TMEM178B: variants seen among roughly 807,000 people sequenced by gnomAD.
TMEM178B encodes transmembrane protein 178B.
A neutral mutation model predicts 31.0 loss-of-function variants in TMEM178B; 5 were observed. That is an observed-to-expected ratio of 0.16 (90% CI 0.08 to 0.34). The LOEUF (loss-of-function observed/expected upper bound fraction) is 0.34, where lower values mean the gene tolerates loss of function less well. Ranked by LOEUF, TMEM178B falls within the 10% of genes least tolerant of loss-of-function variation. The pLI is 1.00. For synonymous variants in TMEM178B, 164 were observed against 164.0 expected (o/e 1.00, Z 0.00); for missense variants, 275 against 400.3 (o/e 0.69, Z 2.67).
intron 3 of TMEM178B, among the ~76,000 whole-genome samples, chr7:141,441,404 A>T (rs1257735188): frequency 6.6e-6 from 1 of 152,180 alleles, no homozygotes; most frequent in Admixed American, 6.5e-5. Flanking sequence ...CAGAGCAATC[A>T]GCCACTCGAA....
chr7:141,507,086 C>T, the TMEM178B span, among the ~76,000 whole-genome samples: 1 of 152,206 alleles, frequency 6.6e-6, no homozygotes, highest in African/African-American at 2.4e-5. Flanking sequence ...TACAGCCTCC[C>T]TCCCAGCTGC....
At chr7:141,305,842 G>A (rs1798807361) in intron 2 of TMEM178B, among the ~76,000 whole-genome samples, 1 of 152,044 alleles carries the variant, frequency 6.6e-6, no homozygotes, top group African/African-American at 2.4e-5. Flanking sequence ...GTTATCATGG[G>A]TGGTCTGTCC....
intron 3 of TMEM178B, among the ~76,000 whole-genome samples, chr7:141,463,223 G>T (rs1802088957): frequency 6.6e-6 from 1 of 152,162 alleles, no homozygotes; most frequent in African/African-American, 2.4e-5. Context: ...CGACTGGCTG[G>T]CTCCAGCTAG....
At chr7:141,372,870 C>T (rs577026670) in intron 2 of TMEM178B, among the ~76,000 whole-genome samples, 198 of 152,164 alleles carry the variant, frequency 1.3e-3, no homozygotes, top group Non-Finnish European at 2.1e-3. Context: ...ACATCTGAGC[C>T]GTCCAGGCTT....
intron 3 of TMEM178B, among the ~76,000 whole-genome samples, chr7:141,442,735 G>A (rs1801684824): frequency 6.6e-6 from 1 of 152,134 alleles, no homozygotes; most frequent in Non-Finnish European, 1.5e-5. Flanking sequence ...CCAGTTTCAT[G>A]CAGCCACCTA....
chr7:141,143,072 A>T (rs948369808), intron 1 of TMEM178B, among the ~76,000 whole-genome samples: 2 of 151,972 alleles, frequency 1.3e-5, no homozygotes, highest in African/African-American at 4.8e-5. Flanking sequence ...AAATGGGATT[A>T]TTTGTTTTTT....
chr7:141,356,705 C>G (rs529860763), intron 2 of TMEM178B, among the ~76,000 whole-genome samples: 4 of 151,540 alleles, frequency 2.6e-5, no homozygotes, highest in Admixed American at 2.0e-4. Flanking sequence ...AGTGGCCTCA[C>G]TCAGCAACTT....
chr7:141,221,988 A>C (rs1797264409), intron 2 of TMEM178B, among the ~76,000 whole-genome samples: 1 of 152,200 alleles, frequency 6.6e-6, no homozygotes, highest in African/African-American at 2.4e-5. Flanking sequence ...CCTTTAACAC[A>C]TGAAGGTTTG....
chr7:141,174,376 G>T (rs1460413538), intron 1 of TMEM178B, among the ~76,000 whole-genome samples: 2 of 152,112 alleles, frequency 1.3e-5, no homozygotes, highest in Non-Finnish European at 2.9e-5. Context: ...TGGGCATTTG[G>T]GTTGTTCCAA....
intron 1 of TMEM178B, among the ~76,000 whole-genome samples, chr7:141,118,853 C>T (rs886827371): frequency 6.6e-6 from 1 of 152,154 alleles, no homozygotes; most frequent in Admixed American, 6.5e-5. Context: ...GGGTCTTGTT[C>T]AAGCCACTTC....
At chr7:141,290,000 AAAG>A (rs1289640924) in intron 2 of TMEM178B, among the ~76,000 whole-genome samples, 2 of 152,168 alleles carry the variant, frequency 1.3e-5, no homozygotes, top group East Asian at 1.9e-4. Context: ...AAAAAAGAAG[AAAG>A]AAGAAGAAAT....
chr7:141,098,940 G>A (rs1382965162), intron 1 of TMEM178B, among the ~76,000 whole-genome samples: 1 of 151,990 alleles, frequency 6.6e-6, no homozygotes, highest in Non-Finnish European at 1.5e-5. Context: ...GCTCCATCTC[G>A]GCCATTGTTA....
At chr7:141,435,842 GT>G (rs1270671817) in intron 2 of TMEM178B, among the ~76,000 whole-genome samples, 1 of 152,202 alleles carries the variant, frequency 6.6e-6, no homozygotes, top group African/African-American at 2.4e-5. Flanking sequence ...GGCATCCCGG[GT>G]CAGCCAGGGC....
chr7:141,303,620 G>A (rs1798765079), intron 2 of TMEM178B, among the ~76,000 whole-genome samples: 1 of 152,192 alleles, frequency 6.6e-6, no homozygotes, highest in Non-Finnish European at 1.5e-5. Context: ...GTTTCCCCAG[G>A]CTGTACAACA....
intron 1 of TMEM178B, among the ~76,000 whole-genome samples, chr7:141,187,422 A>G (rs1259286342): frequency 6.6e-6 from 1 of 152,130 alleles, no homozygotes; most frequent in Non-Finnish European, 1.5e-5. Context: ...GTGTCTTTGT[A>G]GCAGCATGAT....
chr7:141,216,466 TGTGTGTGTGG>T lies in TMEM178B; in HGVS notation c.496+3770_496+3779del, dbSNP rs1185885230. The stretch of plus-strand genomic sequence containing the variant: ...GTGTGTGTGCGCGCGCGCGCGCGTG[TGTGTGTGTGG>T]GTGTGTGGTGGGGAAGAAGGGTGAT... On this transcript the variant is annotated intron_variant, in intron 2 of 3. Coordinates refer to ENST00000565468, the MANE Select transcript of TMEM178B (RefSeq NM_001195278.2). Among the ~76,000 whole-genome samples, 129 of 98,656 alleles carry T rather than the reference TGTGTGTGTGG, an allele frequency of 1.3e-3. 8 individuals carry two copies. The highest frequency in any genetic ancestry group is 1.4e-3 in the Non-Finnish European group (54 of 37,706). The allele number at this position is 98,656 out of a possible 152,430, so 64.7% of individuals were successfully genotyped here. A position where few individuals can be genotyped will look rare whatever the true frequency, so the allele number is the denominator to read the frequency against.
chr7:141,144,748 A>G (rs1232986649), intron 1 of TMEM178B, among the ~76,000 whole-genome samples: 1 of 152,118 alleles, frequency 6.6e-6, no homozygotes, highest in African/African-American at 2.4e-5. Context: ...CAAAGGAGGT[A>G]GGAGCTCCTT....
At chr7:141,434,161 T>TC (rs1272094697) in intron 2 of TMEM178B, among the ~76,000 whole-genome samples, 1 of 152,260 alleles carries the variant, frequency 6.6e-6, no homozygotes, top group East Asian at 1.9e-4. Context: ...TTCCCTCTTT[T>TC]TCTAATTTGC....
chr7:141,227,413 A>G (rs7776542), intron 2 of TMEM178B, among the ~76,000 whole-genome samples: 62,315 of 152,054 alleles, frequency 0.41, 13,035 homozygotes, highest in East Asian at 0.68. Context: ...ATCACCACTT[A>G]CTGACAGATG....
Sources: allele counts gnomAD v4.1 joint callset (sites outside exome capture counted in the v4.1 genomes callset), GRCh38; gene constraint gnomAD v4.1.1; transcripts MANE v1.5; gene names NCBI Gene and HGNC (gene_info 2026-07-23, HGNC 2026-07-21).